Variants in CFAP70 observed in about 807,000 individuals in gnomAD.
CFAP70 encodes cilia- and flagella-associated protein 70.
CFAP70 carries 81 observed loss-of-function variants against 137.6 expected under a neutral mutation model. The ratio of observed to expected loss-of-function variants is 0.59; its 90% CI spans 0.49 to 0.71. The LOEUF (loss-of-function observed/expected upper bound fraction) is 0.71, where lower values mean the gene tolerates loss of function less well. Among genes scored for constraint, CFAP70 ranks in the 30% least tolerant of loss-of-function variants. The pLI, the probability that CFAP70 is intolerant of heterozygous loss-of-function variation, is 0.00. For synonymous variants in CFAP70, 382 were observed against 423.6 expected, an observed-to-expected ratio of 0.90 and a Z score of 1.20; for missense variants, 976 against 1,226.7, an observed-to-expected ratio of 0.80 and a Z score of 3.05.
At chr10:73,347,080 G>T (rs1295036760) in intron 4 of CFAP70, 1 of 152,180 alleles carries the variant, frequency 6.6e-6, no homozygotes, top group Non-Finnish European at 1.5e-5. Flanking sequence ...AAGAGGGATT[G>T]GAACAGTATG....
chr10:73,270,889 G>T (rs1589287294), intron 24 of CFAP70, among the ~76,000 whole-genome samples: 1 of 152,040 alleles, frequency 6.6e-6, no homozygotes, highest in East Asian at 1.9e-4. Context: ...CCAAAGACAA[G>T]AGATGGCCTT....
intron 6 of CFAP70, among the ~76,000 whole-genome samples, chr10:73,339,457 CCT>C (rs1000642103): frequency 1.3e-5 from 2 of 152,196 alleles, no homozygotes; most frequent in African/African-American, 2.4e-5. Context: ...CAGCAGAAAA[CCT>C]CTGTGGCTGG....
rs1177844731 is a variant in CFAP70, at chr10:73,326,300, C to T, written c.778-3203G>A. On this transcript the variant is annotated intron_variant, in intron 8 of 26. Coordinates refer to ENST00000310715, the Ensembl canonical transcript of CFAP70. Reference sequence around the variant, plus strand: ...TCTTTGAAACCAACGAGAACAAAGACACAACATACCAGAATCTCTGGGACA... The same window carrying T: ...TCTTTGAAACCAACGAGAACAAAGATACAACATACCAGAATCTCTGGGACA... 7.8e-4 allele frequency among the ~76,000 whole-genome samples: 116 copies of T among 149,178 alleles called. 1 individual carries two copies. The highest frequency in any genetic ancestry group is 2.6e-3 in the African/African-American group (105 of 40,096).
At chr10:73,261,688 T>C (rs1423758808) in intron 25 of CFAP70, among the ~76,000 whole-genome samples, 1 of 151,924 alleles carries the variant, frequency 6.6e-6, no homozygotes, top group African/African-American at 2.4e-5. Flanking sequence ...AGCCAAAATA[T>C]ATCAGATGGG....
chr10:73,334,909 G>A (rs1363204248), intron 7 of CFAP70, among the ~76,000 whole-genome samples: 3 of 146,574 alleles, frequency 2.0e-5, no homozygotes, highest in Admixed American at 2.0e-4. Flanking sequence ...TAAGAGACAA[G>A]GTGTCACTCC....
intron 19 of CFAP70, among the ~76,000 whole-genome samples, chr10:73,283,017 G>A (rs140067011): frequency 3.3e-5 from 5 of 151,326 alleles, no homozygotes; most frequent in South Asian, 2.1e-4. Context: ...ATTTTTAGTA[G>A]AGACAGGGTT....
rs1564793379 is a variant in CFAP70, at chr10:73,291,293, TTC to T, written c.2170_2171del (p.Glu724IlefsTer2). ...TGATTCCCCAAGGGCCTAAACTAGATTCTCTCTTCCCTCTTTCCTCAGTGTCT... is the reference window on the plus strand; with the variant it reads ...TGATTCCCCAAGGGCCTAAACTAGATTCTCTTCCCTCTTTCCTCAGTGTCT... On this transcript the variant is annotated frameshift_variant, in exon 19 of 27. Coordinates refer to ENST00000310715, the Ensembl canonical transcript of CFAP70. LOFTEE classifies it high-confidence loss of function. The T allele has an allele frequency of 6.2e-7, 1 of 1,614,192 alleles. No homozygotes were observed. Among genetic ancestry groups the T allele is most frequent in the Non-Finnish European group, 8.5e-7 (1 of 1,179,998 alleles).
At chr10:73,334,258 G>T (rs1589527745) in intron 7 of CFAP70, among the ~76,000 whole-genome samples, 2 of 152,300 alleles carry the variant, frequency 1.3e-5, no homozygotes, top group East Asian at 3.9e-4. Context: ...GTGACAATGT[G>T]TTCAACTAAA....
chr10:73,269,489 G>A, intron 25 of CFAP70, 125 bp downstream of exon 26: 2 of 589,690 alleles, frequency 3.4e-6, no homozygotes, highest in Non-Finnish European at 3.0e-6. Flanking sequence ...TCAGCATAAT[G>A]ATTACACCTA....
chr10:73,339,817 G>C lies in CFAP70; in HGVS notation c.582+1582C>G, dbSNP rs529864963. ...AGACACCAGAAACTGAAGAGCCCCA[G>C]GTGTCAGACCTGGCTCAGGGAGCTC... On this transcript the variant is annotated intron_variant, in intron 6 of 26. Coordinates refer to ENST00000310715, the Ensembl canonical transcript of CFAP70. Among the ~76,000 whole-genome samples the C allele has an allele frequency of 7.6e-5, 11 of 145,638 alleles. No homozygotes were observed. The South Asian group carries it at 1.1e-3, about 15-fold the overall frequency.
intron 12 of CFAP70, among the ~76,000 whole-genome samples, chr10:73,307,491 G>A (rs548533328): frequency 2.0e-5 from 3 of 152,194 alleles, no homozygotes; most frequent in Non-Finnish European, 2.9e-5. Context: ...TTAGATGTAA[G>A]GACAGGAGGA....
chr10:73,334,261 C>T (rs1589527759), intron 7 of CFAP70, among the ~76,000 whole-genome samples: 3 of 152,280 alleles, frequency 2.0e-5, no homozygotes, highest in Admixed American at 2.0e-4. Flanking sequence ...ACAATGTGTT[C>T]AACTAAAACA....
At chr10:73,358,777 C>G (rs149746188), upstream of CFAP70, 6 of 152,406 alleles carry the variant, frequency 3.9e-5, no homozygotes, top group African/African-American at 1.2e-4. Flanking sequence ...CGAGAACTTA[C>G]TTTTGGCCAT....
intron 5 of CFAP70, among the ~76,000 whole-genome samples, chr10:73,341,936 T>C (rs1419545815): frequency 4.6e-5 from 7 of 152,248 alleles, no homozygotes; most frequent in Admixed American, 4.6e-4. Context: ...GAACTCATTG[T>C]CACATTTTAC....
intron 19 of CFAP70, among the ~76,000 whole-genome samples, chr10:73,284,884 A>T (rs1439583781): frequency 6.9e-6 from 1 of 145,236 alleles, no homozygotes; most frequent in African/African-American, 2.5e-5. Context: ...AGCAGAGTTG[A>T]TTATTTATGA....
chr10:73,323,507 T>C (rs1453107280), intron 8 of CFAP70, among the ~76,000 whole-genome samples: 2 of 152,142 alleles, frequency 1.3e-5, no homozygotes, highest in Admixed American at 6.5e-5. Context: ...GTGTGCGAGC[T>C]GAAGCAGGGC....
At chr10:73,264,463 C>T (rs1324579098) in intron 25 of CFAP70, among the ~76,000 whole-genome samples, 1 of 152,184 alleles carries the variant, frequency 6.6e-6, no homozygotes, top group Non-Finnish European at 1.5e-5. Flanking sequence ...TTATCAGTAT[C>T]TCCCATTCTA....
At chr10:73,340,721 T>C (rs536743332) in intron 6 of CFAP70, among the ~76,000 whole-genome samples, 1 of 152,314 alleles carries the variant, frequency 6.6e-6, no homozygotes, top group Admixed American at 6.5e-5. Flanking sequence ...TGTCAGCACT[T>C]CCCTGAGCAC....
At chr10:73,274,683 G>T in intron 22 of CFAP70, 89 bp from the exon 24 acceptor site, 1 of 1,211,416 alleles carries the variant, frequency 8.3e-7, no homozygotes, top group Non-Finnish European at 1.1e-6. Flanking sequence ...AATTTAGATA[G>T]ATTGTCCATT....
Sources: allele counts gnomAD v4.1 joint callset (sites outside exome capture counted in the v4.1 genomes callset), GRCh38; gene constraint gnomAD v4.1.1; transcripts MANE v1.5; gene names NCBI Gene and HGNC (gene_info 2026-07-23, HGNC 2026-07-21).